The following PDE10A variants were observed in gnomAD, a reference collection of about 807,000 sequenced individuals.
PDE10A encodes the protein cAMP and cAMP-inhibited cGMP 3',5'-cyclic phosphodiesterase 10A.
A neutral mutation model predicts 97.7 loss-of-function variants in PDE10A; 39 were observed. The ratio of observed to expected loss-of-function variants is 0.40; its 90% confidence interval spans 0.31 to 0.52. The LOEUF is 0.52. Ranked by LOEUF, PDE10A falls within the 20% of genes least tolerant of loss-of-function variation. The pLI, the probability that PDE10A is intolerant of heterozygous loss-of-function variation, is 0.56. For synonymous variants in PDE10A, 371 were observed against 376.8 expected, an observed-to-expected ratio of 0.98 and a Z score of 0.18; for missense variants, 731 against 1,047.8, an observed-to-expected ratio of 0.70 and a Z score of 4.17.
intron 1 of PDE10A, among the ~76,000 whole-genome samples, chr6:165,911,904 T>G (rs1782468850): frequency 6.6e-6 from 1 of 152,172 alleles, no homozygotes; most frequent in East Asian, 1.9e-4. Context: ...CGTTTTCCTC[T>G]GGGAGACGGC....
At chr6:165,379,137 T>A in intron 18 of PDE10A, 57 bp downstream of exon 18, 1 of 1,157,496 alleles carries the variant, frequency 8.6e-7, no homozygotes, top group Admixed American at 2.3e-5. Flanking sequence ...TTCTTAAGTA[T>A]CAATTTATTC....
intron 1 of PDE10A, among the ~76,000 whole-genome samples, chr6:165,608,062 GTATATATA>G (rs950404218): frequency 6.9e-6 from 1 of 145,956 alleles, no homozygotes; most frequent in Non-Finnish European, 1.5e-5. Context: ...GTATATATAT[GTATATATA>G]TATGTATATA....
chr6:165,466,503 T>C (rs186743209), intron 3 of PDE10A, among the ~76,000 whole-genome samples: 3 of 152,258 alleles, frequency 2.0e-5, no homozygotes, highest in African/African-American at 7.2e-5. Context: ...AGATATTGCA[T>C]GTTTTACAAA....
intron 3 of PDE10A, among the ~76,000 whole-genome samples, chr6:165,470,698 A>T (rs1218006614): frequency 1.3e-5 from 2 of 152,200 alleles, no homozygotes; most frequent in Non-Finnish European, 2.9e-5. Flanking sequence ...AGAGAAATGG[A>T]AAGTGAGTAA....
At chr6:165,524,984 T>C (rs753837904) in intron 2 of PDE10A, among the ~76,000 whole-genome samples, 17 of 152,094 alleles carry the variant, frequency 1.1e-4, no homozygotes, top group Non-Finnish European at 2.2e-4. Flanking sequence ...CCTTTCCACC[T>C]TTGTCTCAGG....
At chr6:165,399,273 C>T (rs1337938220) in intron 13 of PDE10A, among the ~76,000 whole-genome samples, 1 of 152,086 alleles carries the variant, frequency 6.6e-6, no homozygotes, top group Non-Finnish European at 1.5e-5. Context: ...ACTACTCATA[C>T]ATCAACCCAA....
intron 1 of PDE10A, among the ~76,000 whole-genome samples, chr6:165,823,288 GT>G (rs1407205526): frequency 6.7e-6 from 1 of 149,962 alleles, no homozygotes; most frequent in Non-Finnish European, 1.5e-5. Context: ...CTTATTAAGT[GT>G]TTTTGTGAAA....
chr6:165,415,052 T>A (rs1788209455), intron 12 of PDE10A, among the ~76,000 whole-genome samples: 1 of 152,224 alleles, frequency 6.6e-6, no homozygotes, highest in Non-Finnish European at 1.5e-5. Context: ...TTTTTATATA[T>A]TAGATATAAG....
At chr6:165,561,381 T>G (rs1784515950) in intron 1 of PDE10A, among the ~76,000 whole-genome samples, 1 of 152,114 alleles carries the variant, frequency 6.6e-6, no homozygotes, top group African/African-American at 2.4e-5. Context: ...CAATTAAACC[T>G]CTTCTTCATA....
intron 2 of PDE10A, among the ~76,000 whole-genome samples, chr6:165,522,084 A>G (rs1228860715): frequency 6.6e-6 from 1 of 152,148 alleles, no homozygotes; most frequent in Non-Finnish European, 1.5e-5. Flanking sequence ...GTTCATGGAC[A>G]CTTTTGCTGC....
chr6:165,398,903 A>G (rs1163034697), intron 13 of PDE10A, among the ~76,000 whole-genome samples: 1 of 152,216 alleles, frequency 6.6e-6, no homozygotes, highest in Non-Finnish European at 1.5e-5. Context: ...TGAATAAAAA[A>G]GTATCAGCCA....
chr6:165,805,479 A>C (rs1267896885), intron 1 of PDE10A, among the ~76,000 whole-genome samples: 1 of 152,196 alleles, frequency 6.6e-6, no homozygotes, highest in East Asian at 1.9e-4. Flanking sequence ...GGCCTCTCCC[A>C]GCCGCGCCAC....
intron 1 of PDE10A, among the ~76,000 whole-genome samples, chr6:165,814,918 A>G (rs986810257): frequency 1.3e-5 from 2 of 152,162 alleles, no homozygotes; most frequent in Admixed American, 6.5e-5. Flanking sequence ...CAAACCAAAT[A>G]CTGATTTATC....
At chr6:165,760,189 C>T (rs1793216631) in intron 1 of PDE10A, among the ~76,000 whole-genome samples, 1 of 152,154 alleles carries the variant, frequency 6.6e-6, no homozygotes, top group African/African-American at 2.4e-5. Flanking sequence ...GTTGATACAG[C>T]AAAAGTACAC....
At chr6:165,943,214 A>AAGGAAGGAAG (rs1562809625) in intron 1 of PDE10A, among the ~76,000 whole-genome samples, 2 of 85,814 alleles carry the variant, frequency 2.3e-5, no homozygotes, top group African/African-American at 1.1e-4. Context: ...AAAGAAAGAA[A>AAGGAAGGAAG]GAAAGAAAGA....
intron 3 of PDE10A, among the ~76,000 whole-genome samples, chr6:165,478,436 C>G (rs942471372): frequency 3.9e-5 from 6 of 152,090 alleles, no homozygotes; most frequent in Non-Finnish European, 8.8e-5. Context: ...CTCATTACAA[C>G]CTTCTCCCTT....
chr6:165,986,840 G>A (rs928345617), intron 1 of PDE10A, among the ~76,000 whole-genome samples: 3 of 152,114 alleles, frequency 2.0e-5, no homozygotes, highest in African/African-American at 7.2e-5. Flanking sequence ...TCAATGGGTT[G>A]CAAGGAAAAT....
At chr6:165,690,988 T>G (rs1301358794) in intron 1 of PDE10A, among the ~76,000 whole-genome samples, 1 of 151,962 alleles carries the variant, frequency 6.6e-6, no homozygotes, top group Non-Finnish European at 1.5e-5. Context: ...CTTTCCTGGC[T>G]TTCCAGCTCA....
chr6:165,360,244 G>A (rs1384874593), intron 18 of PDE10A, among the ~76,000 whole-genome samples: 1 of 152,134 alleles, frequency 6.6e-6, no homozygotes, highest in Non-Finnish European at 1.5e-5. Flanking sequence ...CAACTGCTCT[G>A]CTAGGGCCTG....
Sources: allele counts gnomAD v4.1 joint callset (sites outside exome capture counted in the v4.1 genomes callset), GRCh38; gene constraint gnomAD v4.1.1; transcripts MANE v1.5; gene names NCBI Gene and HGNC (gene_info 2026-07-23, HGNC 2026-07-21).